The following AOPEP variants were observed in gnomAD, a reference collection of about 807,000 sequenced individuals.
AOPEP encodes the protein aminopeptidase O.
A neutral mutation model predicts 98.1 loss-of-function variants in AOPEP; 77 were observed. That is an observed-to-expected ratio of 0.78 (90% CI 0.65 to 0.95). The LOEUF is 0.95. Ranked by LOEUF, AOPEP falls within the 40% of genes least tolerant of loss-of-function variation. The pLI is 0.00. For synonymous variants in AOPEP, 346 were observed against 365.3 expected (o/e 0.95, Z 0.60); for missense variants, 1,024 against 1,024.7 (o/e 1.00, Z 0.01).
intron 1 of AOPEP, among the ~76,000 whole-genome samples, chr9:94,730,535 A>G (rs1346320792): frequency 6.6e-6 from 1 of 152,206 alleles, no homozygotes; most frequent in Non-Finnish European, 1.5e-5. Context: ...TTCTTGACTC[A>G]TAAAGCGTGT....
intron 5 of AOPEP, among the ~76,000 whole-genome samples, chr9:94,825,928 A>C (rs943508521): frequency 1.3e-5 from 2 of 152,232 alleles, no homozygotes; most frequent in Non-Finnish European, 2.9e-5. Context: ...ATAATTAAAA[A>C]ATTCTGTTTA....
chr9:94,923,963 A>C (rs2053958677), intron 5 of AOPEP, 23 bp from the exon 6 acceptor site: 2 of 1,377,096 alleles, frequency 1.5e-6, no homozygotes, highest in African/African-American at 3.0e-5. Flanking sequence ...GACTCTGTGC[A>C]TTTTCTCCCC....
At chr9:94,771,886 C>T (rs892081681) in intron 2 of AOPEP, among the ~76,000 whole-genome samples, 2 of 152,110 alleles carry the variant, frequency 1.3e-5, no homozygotes, top group Non-Finnish European at 2.9e-5. Flanking sequence ...TGATTGGTCT[C>T]TCCGCTCTTC....
chr9:94,819,960 T>G (rs866676411), intron 5 of AOPEP, among the ~76,000 whole-genome samples: 45 of 147,002 alleles, frequency 3.1e-4, no homozygotes, highest in Middle Eastern at 7.0e-3. Context: ...TTTTTTTTTT[T>G]TTTGAGATGG....
At chr9:94,745,408 T>G (rs1417934838) in intron 1 of AOPEP, among the ~76,000 whole-genome samples, 2 of 152,050 alleles carry the variant, frequency 1.3e-5, no homozygotes, top group Non-Finnish European at 2.9e-5. Context: ...CTGGAGCAGC[T>G]GGGACTACAG....
At chr9:95,108,397 CA>C in the AOPEP span, among the ~76,000 whole-genome samples, 6 of 152,180 alleles carry the variant, frequency 3.9e-5, no homozygotes, top group African/African-American at 1.4e-4. Context: ...ACTGGGTCTG[CA>C]AAAATGTCAG....
chr9:94,934,068 A>G (rs2137182614), intron 7 of AOPEP, among the ~76,000 whole-genome samples: 1 of 152,188 alleles, frequency 6.6e-6, no homozygotes. Flanking sequence ...TTATTTTTAA[A>G]TTGAAAGCTT....
rs77151576 is a variant in AOPEP at position 94,795,289 on chromosome 9, C to T, written c.1118+2371C>T. On this transcript the variant is annotated intron_variant, in intron 4 of 16. Transcript: ENST00000375315. ...CCTGGAGTCTGATCCACCTTCCCAT[C>T]TGGAGAGTCACTGCCATGATTTGAG... Among the ~76,000 whole-genome samples the T allele has an allele frequency of 1.7e-4, 26 of 152,186 alleles. No individual in the cohort carries two copies. In the East Asian group the frequency reaches 5.0e-3, roughly 29 times the overall value.
chr9:94,799,632 G>A (rs4744375), intron 4 of AOPEP, among the ~76,000 whole-genome samples: 64,062 of 151,900 alleles, frequency 0.42, 13,882 homozygotes, highest in East Asian at 0.51. Context: ...GGAGGCTGAG[G>A]CGGGTGGATC....
At chr9:95,004,301 T>C (rs1396452131) in intron 11 of AOPEP, 2 of 456,588 alleles carry the variant, frequency 4.4e-6, no homozygotes, top group South Asian at 3.1e-5. Flanking sequence ...GTGTAAACTT[T>C]CTCCCTAATT....
At chr9:94,797,218 G>T (rs1847153934) in intron 4 of AOPEP, among the ~76,000 whole-genome samples, 1 of 152,182 alleles carries the variant, frequency 6.6e-6, no homozygotes, top group Admixed American at 6.5e-5. Flanking sequence ...CGGATCACGA[G>T]GTCGGGAGAT....
intron 5 of AOPEP, among the ~76,000 whole-genome samples, chr9:94,894,711 A>G (rs1024279532): frequency 1.2e-4 from 18 of 152,222 alleles, no homozygotes; most frequent in African/African-American, 4.3e-4. Flanking sequence ...CCAGCAAAAT[A>G]CTAATGCCAT....
At chr9:94,965,428 C>A (rs2059128003) in intron 9 of AOPEP, among the ~76,000 whole-genome samples, 1 of 152,232 alleles carries the variant, frequency 6.6e-6, no homozygotes, top group Admixed American at 6.5e-5. Context: ...AAGAAATGGA[C>A]TGTGACCACC....
At chr9:95,037,303 CT>C (rs2064915699) in intron 13 of AOPEP, among the ~76,000 whole-genome samples, 1 of 152,010 alleles carries the variant, frequency 6.6e-6, no homozygotes, top group Non-Finnish European at 1.5e-5. Context: ...TGAAGTCATT[CT>C]TTATTTCAGC....
At chr9:94,927,122 A>G (rs974925522) in intron 6 of AOPEP, among the ~76,000 whole-genome samples, 4 of 152,184 alleles carry the variant, frequency 2.6e-5, no homozygotes, top group Admixed American at 6.5e-5. Context: ...GCAGGTGGCC[A>G]CGAGCTGCTT....
intron 5 of AOPEP, among the ~76,000 whole-genome samples, chr9:94,807,683 A>G (rs957656172): frequency 1.3e-5 from 2 of 152,222 alleles, no homozygotes; most frequent in African/African-American, 4.8e-5. Context: ...TCAGTGCACA[A>G]AGTTACCTAA....
At chr9:94,785,038 G>A (rs867156711) in intron 3 of AOPEP, among the ~76,000 whole-genome samples, 6 of 152,330 alleles carry the variant, frequency 3.9e-5, no homozygotes, top group South Asian at 2.1e-4. Flanking sequence ...GGGTTCAAGT[G>A]ATTCTCCAGC....
chr9:94,727,050 C>T (rs1272190938), intron 1 of AOPEP, among the ~76,000 whole-genome samples: 1 of 152,218 alleles, frequency 6.6e-6, no homozygotes, highest in Admixed American at 6.5e-5. Flanking sequence ...GGTGCCTCCT[C>T]CTTCGTCTCT....
chr9:94,770,847 C>A (rs1840699623), intron 2 of AOPEP, among the ~76,000 whole-genome samples: 2 of 152,096 alleles, frequency 1.3e-5, no homozygotes, highest in South Asian at 4.1e-4. Flanking sequence ...GCACACAGAT[C>A]TGGTACAGTA....
Sources: gnomAD v4.1 joint callset for allele counts (sites outside exome capture counted in the v4.1 genomes callset) on GRCh38, gnomAD v4.1.1 for gene constraint, MANE v1.5 for transcripts, NCBI Gene and HGNC (gene_info 2026-07-23, HGNC 2026-07-21) for gene names.